Variants in BMX observed in about 807,000 individuals in gnomAD.
BMX encodes the protein BMX non-receptor tyrosine kinase.
A neutral mutation model predicts 59.2 loss-of-function variants in BMX; 31 were observed. The ratio of observed to expected loss-of-function variants is 0.52; its 90% CI spans 0.39 to 0.71. BMX has a LOEUF of 0.71. Among genes scored for constraint, BMX ranks in the 30% least tolerant of loss-of-function variants. BMX has a pLI of 0.00. For missense variants in BMX, 474 were observed against 491.7 expected (o/e 0.96, Z 0.34); for synonymous variants, 185 against 181.0 (o/e 1.02, Z -0.18).
chrX:15,512,680 T>A lies in BMX; in HGVS notation c.325+1162T>A, dbSNP rs181319076. ...ACCATCTCTGGGTTTAAGTTAATCC[T>A]GACCTGTCAAATAGGAGATCACATT... On this transcript the variant is annotated intron_variant, in intron 4 of 18. Coordinates refer to ENST00000348343, the MANE Select transcript of BMX (RefSeq NM_203281.3). Among the ~76,000 whole-genome samples the A allele has an allele frequency of 2.0e-4, 23 of 112,331 alleles. No individual in the cohort carries two copies. The East Asian group carries it at 6.2e-3, about 30-fold the overall frequency.
At chrX:15,506,017 G>A (rs1340243475) in intron 1 of BMX, among the ~76,000 whole-genome samples, 1 of 110,844 alleles carries the variant, frequency 9.0e-6, no homozygotes, top group African/African-American at 3.3e-5. Flanking sequence ...AGCCTCCCTA[G>A]TAGCTGGGAC....
chrX:15,510,085 T>G (rs1248420895), intron 3 of BMX, among the ~76,000 whole-genome samples: 1 of 111,695 alleles, frequency 9.0e-6, no homozygotes, highest in African/African-American at 3.3e-5. Context: ...AAGAAGCCCA[T>G]GTGACAGTGA....
chrX:15,505,603 G>T (rs1030959807), intron 1 of BMX, among the ~76,000 whole-genome samples: 4 of 112,206 alleles, frequency 3.6e-5, no homozygotes, highest in Middle Eastern at 9.2e-3. Context: ...AACATATATT[G>T]CATATGAATC....
chrX:15,539,412 G>A (rs190840617), intron 14 of BMX, among the ~76,000 whole-genome samples: 1 of 111,305 alleles, frequency 9.0e-6, no homozygotes, highest in Non-Finnish European at 1.9e-5. Flanking sequence ...CCCTCACCTT[G>A]AGCCACCTGG....
At chrX:15,545,585 C>G (rs1409403781) in intron 16 of BMX, among the ~76,000 whole-genome samples, 1 of 111,573 alleles carries the variant, frequency 9.0e-6, no homozygotes, top group Admixed American at 9.5e-5. Flanking sequence ...CATTATTTTG[C>G]CTCTTATTGC....
intron 1 of BMX, among the ~76,000 whole-genome samples, chrX:15,501,835 G>A (rs1602318036): frequency 9.0e-6 from 1 of 111,580 alleles, no homozygotes; most frequent in South Asian, 3.8e-4. Context: ...GAAAGTCTGC[G>A]ACAAACCTAC....
Position 15,545,146 on chromosome X carries a change from C to T in BMX, c.1677-1657C>T, listed in dbSNP as rs184725856. Among the ~76,000 whole-genome samples the T allele has an allele frequency of 1.4e-3, 161 of 111,779 alleles. 1 individual carries two copies. Among genetic ancestry groups the T allele is most frequent in the Non-Finnish European group, 2.3e-3 (122 of 53,135 alleles). On this transcript the variant is annotated intron_variant, in intron 16 of 18. Transcript: ENST00000348343. Reference sequence around the variant, plus strand: ...GTAGAATTGTTAGCAGCAGTGAATCCGTAAAGGTCTGCAGCAACTCAATTC... The same window carrying T: ...GTAGAATTGTTAGCAGCAGTGAATCTGTAAAGGTCTGCAGCAACTCAATTC...
At chrX:15,502,118 C>T (rs1012608359) in intron 1 of BMX, among the ~76,000 whole-genome samples, 1 of 111,352 alleles carries the variant, frequency 9.0e-6, no homozygotes, top group East Asian at 2.8e-4. Flanking sequence ...ACTTGTAACC[C>T]TTCGAAGTGG....
intron 11 of BMX, among the ~76,000 whole-genome samples, chrX:15,532,202 C>T (rs1315916842): frequency 9.0e-6 from 1 of 111,001 alleles, no homozygotes; most frequent in Non-Finnish European, 1.9e-5. Flanking sequence ...TCTACCTGCT[C>T]CACTCCCTGT....
chrX:15,530,878 C>T (rs1370210376), intron 10 of BMX, among the ~76,000 whole-genome samples: 1 of 111,672 alleles, frequency 9.0e-6, no homozygotes, highest in Admixed American at 9.5e-5. Context: ...CTTCATTTGG[C>T]GTTTTGTCAC....
At chrX:15,527,273 TATATATATATACAC>T (rs1924820310) in intron 9 of BMX, among the ~76,000 whole-genome samples, 4 of 40,519 alleles carry the variant, frequency 9.9e-5, no homozygotes, top group African/African-American at 4.0e-4. Flanking sequence ...TATATATATA[TATATATATATACAC>T]ACACACACAC....
intron 4 of BMX, among the ~76,000 whole-genome samples, chrX:15,512,965 G>A: frequency 9.0e-6 from 1 of 111,692 alleles, no homozygotes; most frequent in Admixed American, 9.5e-5. Flanking sequence ...TAAAGGAAGA[G>A]CAGAGAAAGA....
At chrX:15,544,863 T>C (rs772467706) in intron 16 of BMX, among the ~76,000 whole-genome samples, 54 of 111,288 alleles carry the variant, frequency 4.9e-4, no homozygotes, top group Non-Finnish European at 8.1e-4. Context: ...TTAATATTAT[T>C]GTTAATATTT....
At chrX:15,538,757 A>C (rs888190506) in intron 14 of BMX, among the ~76,000 whole-genome samples, 45 of 111,941 alleles carry the variant, frequency 4.0e-4, no homozygotes, top group African/African-American at 1.4e-3. Context: ...TTATTCTTTT[A>C]TGAAGACCAA....
rs780132415 is a variant in BMX at position 15,507,476 on chromosome X, C to T, written c.-9-869C>T. On this transcript the variant is annotated intron_variant, in intron 1 of 18. Transcript: ENST00000348343. ...CTATTGGGCATGTGAATTCAAATAA[C>T]GATGCAATTTCACAAAGCAAAGAAG... 4 of 510,033 alleles carry T rather than the reference C, an allele frequency of 7.8e-6. No homozygotes were observed. In the South Asian group the frequency reaches 3.1e-4, roughly 39 times the overall value. The allele number at this position is 510,033 out of a possible 1,213,427, so 42.0% of individuals were successfully genotyped here. A position where few individuals can be genotyped will look rare whatever the true frequency, so the allele number is the denominator to read the frequency against.
In BMX at chrX:15,505,020, G is replaced by A. The variant is rs113978981; in HGVS notation, c.-9-3325G>A. 9.8e-3 allele frequency among the ~76,000 whole-genome samples: 1,101 copies of A among 112,302 alleles called. 14 individuals carry two copies. The highest frequency in any genetic ancestry group is 0.034 in the African/African-American group (1,037 of 30,882). ...CCTAAATAAGCATAAGAAGAGCAGG[G>A]TTTGCTAGTTGTTGGACAGGCATTT... On this transcript the variant is annotated intron_variant, in intron 1 of 18. Transcript: ENST00000348343.
intron 3 of BMX, among the ~76,000 whole-genome samples, 198 bp from the exon 4 acceptor site, chrX:15,511,239 A>G (rs1923943489): frequency 8.9e-6 from 1 of 112,063 alleles, no homozygotes; most frequent in African/African-American, 3.2e-5. Context: ...TAATTTTCCA[A>G]AGTATAGGAG....
rs746250069 is a variant in BMX, at chrX:15,501,844, A to C, written c.-10+904A>C. 9.9e-5 allele frequency among the ~76,000 whole-genome samples: 11 copies of C among 111,671 alleles called. No individual in the cohort carries two copies. The South Asian group carries it at 2.3e-3, about 23-fold the overall frequency. ...AGGATGGAAAGTCTGCGACAAACCT[A>C]CTATGTATGGACTGGTGTTTGTTGA... On this transcript the variant is annotated intron_variant, in intron 1 of 18. Coordinates refer to ENST00000348343, the MANE Select transcript of BMX (RefSeq NM_203281.3).
intron 15 of BMX, among the ~76,000 whole-genome samples, 180 bp from the exon 16 acceptor site, chrX:15,542,891 G>T (rs1925762919): frequency 8.9e-6 from 1 of 111,744 alleles, no homozygotes; most frequent in African/African-American, 3.3e-5. Context: ...AGTACTCATG[G>T]GAGAACATTT....
Sources: allele counts gnomAD v4.1 joint callset (sites outside exome capture counted in the v4.1 genomes callset), GRCh38; gene constraint gnomAD v4.1.1; transcripts MANE v1.5; gene names NCBI Gene and HGNC (gene_info 2026-07-23, HGNC 2026-07-21).